Variants in CDH6 observed in about 807,000 individuals in gnomAD.
CDH6 encodes cadherin-6.
A neutral mutation model predicts 78.0 loss-of-function variants in CDH6; 31 were observed. That is an observed-to-expected ratio of 0.40 (90% CI 0.30 to 0.54). The LOEUF is 0.54. CDH6 is among the 20% of genes least tolerant of loss of function. The pLI, the probability that CDH6 is intolerant of heterozygous loss-of-function variation, is 0.56. For synonymous variants in CDH6, 376 were observed against 368.8 expected, an observed-to-expected ratio of 1.02 and a Z score of -0.23; for missense variants, 724 against 975.9, an observed-to-expected ratio of 0.74 and a Z score of 3.44.
chr5:31,213,527 C>T (rs1000373249), intron 1 of CDH6, among the ~76,000 whole-genome samples: 4 of 152,034 alleles, frequency 2.6e-5, no homozygotes, highest in South Asian at 2.1e-4. Context: ...AGAAACAGAC[C>T]AATCTGTGCG....
intron 6 of CDH6, 90 bp from the exon 7 acceptor site, chr5:31,305,084 G>A (rs1737946101): frequency 1.5e-6 from 2 of 1,296,960 alleles, no homozygotes; most frequent in African/African-American, 3.0e-5. Context: ...TCATTTATCA[G>A]TGGTTTACAC....
intron 1 of CDH6, among the ~76,000 whole-genome samples, chr5:31,201,507 A>G (rs1740347684): frequency 6.6e-6 from 1 of 152,238 alleles, no homozygotes; most frequent in Non-Finnish European, 1.5e-5. Context: ...TGATTTAAAG[A>G]AATCAGACAG....
rs553340138 is a variant in CDH6 at position 31,311,101 on chromosome 5, T to C, written c.1254-2217T>C. ...CATGGTCACCATTTTAAATATAAGTTCCAGTTTCACATCATCTCTTTGTTC... is the reference window on the plus strand; with the variant it reads ...CATGGTCACCATTTTAAATATAAGTCCCAGTTTCACATCATCTCTTTGTTC... On this transcript the variant is annotated intron_variant, in intron 7 of 11. Coordinates refer to ENST00000265071, the MANE Select transcript of CDH6 (RefSeq NM_004932.4). Among the ~76,000 whole-genome samples, 256 of 152,278 alleles carry C rather than the reference T, an allele frequency of 1.7e-3. 2 individuals carry two copies. The highest frequency in any genetic ancestry group is 6.0e-3 in the African/African-American group (248 of 41,546).
intron 2 of CDH6, among the ~76,000 whole-genome samples, chr5:31,284,799 G>C (rs552134690): frequency 7.2e-4 from 109 of 152,238 alleles, no homozygotes; most frequent in Non-Finnish European, 1.1e-3. Flanking sequence ...CTAGAGACCA[G>C]AGGATCAGAG....
At position 31,317,217 on chromosome 5, in the gene CDH6, C is replaced by T. The variant is rs566491195; in HGVS notation, c.1513-158C>T. Among the ~76,000 whole-genome samples, 15 of 152,304 alleles carry T rather than the reference C, an allele frequency of 9.8e-5. No individual in the cohort carries two copies. The South Asian group carries it at 3.1e-3, about 32-fold the overall frequency. On this transcript the variant is annotated intron_variant, in intron 9 of 11. Coordinates refer to ENST00000265071, the MANE Select transcript of CDH6 (RefSeq NM_004932.4). ...GAATCATTCCCTGCCCTTTGGCTTT[C>T]TAACCCATAATAGAGCAGATTCACT...
rs1017523997 is a variant in CDH6, at chr5:31,294,326, G to A, written c.523+70G>A. 16 of 1,281,784 alleles carry A rather than the reference G, an allele frequency of 1.2e-5. No individual in the cohort carries two copies. The highest frequency in any genetic ancestry group is 2.0e-5 in the Admixed American group (1 of 50,798). 79.4% of individuals were successfully genotyped at this position (1,281,784 alleles called of 1,614,324 possible). On this transcript the variant is annotated intron_variant, in intron 3 of 11. Transcript: ENST00000265071. This position sits in a 1 kb window ranked among gnomAD's most constrained non-coding sequence, Gnocchi z 4.1. ...GCATCCACTGAGTAAGGAATCCCAC[G>A]AGCTCAAAGTACTGAACTGCATGAA...
At chr5:31,261,596 G>C (rs984972369) in intron 1 of CDH6, among the ~76,000 whole-genome samples, 1 of 152,096 alleles carries the variant, frequency 6.6e-6, no homozygotes, top group Non-Finnish European at 1.5e-5. Context: ...TATTAATAAC[G>C]TTGCTTTACT....
chr5:31,314,788 T>G (rs924760139), intron 8 of CDH6, among the ~76,000 whole-genome samples: 1 of 152,196 alleles, frequency 6.6e-6, no homozygotes, highest in Non-Finnish European at 1.5e-5. Context: ...ACCAAAGCAG[T>G]CATTTCATAA....
At chr5:31,212,884 C>T (rs866351484) in intron 1 of CDH6, among the ~76,000 whole-genome samples, 2 of 152,162 alleles carry the variant, frequency 1.3e-5, no homozygotes, top group African/African-American at 2.4e-5. Flanking sequence ...TTCTAGCCCA[C>T]GTAGGTGCCC....
At chr5:31,195,240 T>C (rs1319846652) in intron 1 of CDH6, among the ~76,000 whole-genome samples, 1 of 152,158 alleles carries the variant, frequency 6.6e-6, no homozygotes, top group African/African-American at 2.4e-5. Context: ...GTTGTGTACA[T>C]ATATGGCTGC....
chr5:31,290,303 A>G (rs552559044), intron 2 of CDH6, among the ~76,000 whole-genome samples: 100 of 152,276 alleles, frequency 6.6e-4, no homozygotes, highest in African/African-American at 2.4e-3. Flanking sequence ...GGAAACAGAC[A>G]AAGACCAAGA....
chr5:31,282,272 G>A (rs1297207254), intron 2 of CDH6, among the ~76,000 whole-genome samples: 2 of 152,018 alleles, frequency 1.3e-5, no homozygotes, highest in Non-Finnish European at 1.5e-5. Flanking sequence ...GAGGCTTCAG[G>A]GAAGGATCCA....
At chr5:31,227,149 G>T (rs949832380) in intron 1 of CDH6, among the ~76,000 whole-genome samples, 8 of 152,074 alleles carry the variant, frequency 5.3e-5, no homozygotes, top group African/African-American at 2.4e-5. Context: ...AAGAGTGGAG[G>T]TATCTCCTCA....
Position 31,231,222 on chromosome 5 carries a change from T to G in CDH6, c.-128-36124T>G, listed in dbSNP as rs1316281456. Among the ~76,000 whole-genome samples the G allele has an allele frequency of 6.6e-5, 10 of 152,210 alleles. 1 individual carries two copies. The highest frequency in any genetic ancestry group is 5.2e-4 in the Admixed American group (8 of 15,284). Reference sequence around the variant, plus strand: ...TAAATTATGTGCATAAAATTGATATTTTAATCAAATCATTGCGTATCTCCA... The same window carrying G: ...TAAATTATGTGCATAAAATTGATATGTTAATCAAATCATTGCGTATCTCCA... On this transcript the variant is annotated intron_variant, in intron 1 of 11. Transcript: ENST00000265071.
chr5:31,259,115 CA>C lies in CDH6; in HGVS notation c.-128-8230del, dbSNP rs369015883. ...CAAGGTGCCTAGCACATAACAAGTT[CA>C]GGGGTAGAATATAGCAATGTTAACC... On this transcript the variant is annotated intron_variant, in intron 1 of 11. Transcript: ENST00000265071. Among the ~76,000 whole-genome samples the C allele has an allele frequency of 6.8e-4, 104 of 152,284 alleles. 3 individuals carry two copies. The East Asian group carries it at 0.02, about 29-fold the overall frequency.
In CDH6 at chr5:31,305,408, G is replaced by T. The variant is rs1246396607; in HGVS notation, c.1234G>T (p.Ala412Ser). 6.2e-7 allele frequency: 1 copy of T among 1,613,664 alleles called. No homozygotes were observed. The highest frequency in any genetic ancestry group is 8.5e-7 in the Non-Finnish European group (1 of 1,179,770). The change falls in exon 7 of 12, where the codon GCT (alanine) becomes TCT (serine). Residue 412 changes from alanine to serine, a missense_variant. By Grantham distance (99) the Ala-to-Ser change is moderately conservative (BLOSUM62 1). Coordinates refer to ENST00000265071, the MANE Select transcript of CDH6 (RefSeq NM_004932.4). Reference sequence around the variant, plus strand: ...CTCCGTCACAGCCCAAGATCCAGATGCTGCCAGGAATCCTGTCAAGTAAGC... The same window carrying T: ...CTCCGTCACAGCCCAAGATCCAGATTCTGCCAGGAATCCTGTCAAGTAAGC... ...IGSVTAQDPDAARNPVKYSVD... is the reference protein window; with the variant it reads ...IGSVTAQDPDSARNPVKYSVD...
intron 9 of CDH6, 64 bp downstream of exon 9, chr5:31,316,393 CA>C: frequency 7.1e-7 from 1 of 1,399,044 alleles, no homozygotes; most frequent in East Asian, 2.3e-5. Flanking sequence ...TCTTATCATT[CA>C]GATGATTCAC....
intron 1 of CDH6, among the ~76,000 whole-genome samples, chr5:31,256,137 C>G (rs1216271633): frequency 6.6e-6 from 1 of 152,138 alleles, no homozygotes; most frequent in Non-Finnish European, 1.5e-5. Context: ...TTCAGGGAAA[C>G]TTTAAATTCC....
At chr5:31,233,790 G>A (rs1160781106) in intron 1 of CDH6, among the ~76,000 whole-genome samples, 5 of 152,074 alleles carry the variant, frequency 3.3e-5, no homozygotes, top group African/African-American at 7.2e-5. Flanking sequence ...AACACCCACC[G>A]CCTCACTCTC....
Sources: gnomAD v4.1 joint callset for allele counts (sites outside exome capture counted in the v4.1 genomes callset) on GRCh38, gnomAD v4.1.1 for gene constraint, Gnocchi (gnomAD v3.1) non-coding constraint, MANE v1.5 for transcripts, NCBI Gene and HGNC (gene_info 2026-07-23, HGNC 2026-07-21) for gene names.